Variants in USH2A observed in about 807,000 individuals in gnomAD.
USH2A encodes the protein Usher syndrome 2A (autosomal recessive, mild).
Under a neutral mutation model 538.9 loss-of-function variants are expected in USH2A, and 443 were observed. That is an observed-to-expected ratio of 0.82 (90% confidence interval 0.76 to 0.89). The LOEUF (loss-of-function observed/expected upper bound fraction) is 0.89. USH2A is among the 40% of genes least tolerant of loss of function. The pLI is 0.00. For missense variants in USH2A, 6,633 were observed against 6,324.8 expected, an observed-to-expected ratio of 1.05 and a Z score of -1.65; for synonymous variants, 2,413 against 2,273.5, an observed-to-expected ratio of 1.06 and a Z score of -1.75.
chr1:216,014,287 T>TA (rs1443443553), intron 32 of USH2A, among the ~76,000 whole-genome samples: 3 of 151,998 alleles, frequency 2.0e-5, no homozygotes, highest in Admixed American at 1.3e-4. Context: ...AGAGAGTTTT[T>TA]AAAAACAGTT....
At chr1:216,077,946 G>T in intron 27 of USH2A, 143 bp downstream of exon 27, 1 of 1,009,682 alleles carries the variant, frequency 9.9e-7, no homozygotes, top group Non-Finnish European at 1.5e-6. Flanking sequence ...TAGTTTTTAA[G>T]GTTTAAATTT....
intron 14 of USH2A, among the ~76,000 whole-genome samples, chr1:216,228,512 G>A (rs2035607753): frequency 6.6e-6 from 1 of 152,102 alleles, no homozygotes. Flanking sequence ...TCTTTCCCCT[G>A]CTGTTCTCAT....
chr1:215,987,225 G>C (rs934315560), intron 35 of USH2A, among the ~76,000 whole-genome samples: 2 of 152,112 alleles, frequency 1.3e-5, no homozygotes, highest in Non-Finnish European at 2.9e-5. Flanking sequence ...AAAGGAATAT[G>C]GCTCATGAGA....
intron 61 of USH2A, among the ~76,000 whole-genome samples, chr1:215,700,518 T>C (rs1490872617): frequency 6.6e-6 from 1 of 152,226 alleles, no homozygotes; most frequent in Non-Finnish European, 1.5e-5. Flanking sequence ...ATTCAACTTC[T>C]TCCTGGTTTA....
At chr1:215,795,278 C>T (rs1662093940) in intron 50 of USH2A, among the ~76,000 whole-genome samples, 1 of 152,212 alleles carries the variant, frequency 6.6e-6, no homozygotes. Flanking sequence ...CAAAATCATA[C>T]TCACTGTTTG....
intron 58 of USH2A, among the ~76,000 whole-genome samples, chr1:215,757,709 G>T (rs937693503): frequency 6.6e-6 from 1 of 152,108 alleles, no homozygotes; most frequent in African/African-American, 2.4e-5. Flanking sequence ...TTTACCTGAG[G>T]ATGGTGCTTA....
chr1:215,693,811 T>A (rs1658701268), intron 61 of USH2A, among the ~76,000 whole-genome samples: 1 of 152,174 alleles, frequency 6.6e-6, no homozygotes, highest in East Asian at 1.9e-4. Flanking sequence ...ACTGTTAGTA[T>A]GAACATAGTT....
At chr1:215,913,226 C>G (rs1665860127) in intron 38 of USH2A, among the ~76,000 whole-genome samples, 1 of 152,094 alleles carries the variant, frequency 6.6e-6, no homozygotes, top group Non-Finnish European at 1.5e-5. Flanking sequence ...CAGAGTCACA[C>G]CATTATGGGC....
intron 67 of USH2A, among the ~76,000 whole-genome samples, chr1:215,642,366 C>T (rs901601487): frequency 2.6e-5 from 4 of 152,130 alleles, no homozygotes; most frequent in Admixed American, 6.5e-5. Context: ...GACCAAGGAG[C>T]TGAACCTAGG....
At chr1:215,986,942 G>A (rs905426840) in intron 35 of USH2A, among the ~76,000 whole-genome samples, 1 of 152,182 alleles carries the variant, frequency 6.6e-6, no homozygotes, top group Non-Finnish European at 1.5e-5. Context: ...GTCTAATAAA[G>A]AAACTATTTT....
rs1383618728 is a variant in USH2A at position 216,321,931 on chromosome 1, C to T, written c.1596G>A (p.Gln532=). The T allele has an allele frequency of 3.7e-6, 6 of 1,613,874 alleles. No homozygotes were observed. In the South Asian group the frequency reaches 5.5e-5, roughly 15 times the overall value. The change falls in exon 9 of 72, where the codon CAG becomes CAA. Residue 532 remains glutamine (Q), a synonymous_variant. Coordinates refer to ENST00000307340, the MANE Select transcript of USH2A (RefSeq NM_206933.4). ...GHADNCDTTS[Q]PYRCLCSQES... is the part of the protein sequence containing the mutation. ...CCTGGGAGCAGAGGCATCTATATGGCTGGCTTGTTGTGTCGCAGTTATCGG... is the reference window on the plus strand; with the variant it reads ...CCTGGGAGCAGAGGCATCTATATGGTTGGCTTGTTGTGTCGCAGTTATCGG...
At chr1:216,293,237 C>G (rs1342180541) in intron 9 of USH2A, among the ~76,000 whole-genome samples, 2 of 152,032 alleles carry the variant, frequency 1.3e-5, no homozygotes, top group East Asian at 3.9e-4. Flanking sequence ...TGTTAGCCAG[C>G]ATGGTCTCGA....
At chr1:215,647,820 C>G in intron 66 of USH2A, 90 bp from the exon 67 acceptor site, 9 of 1,483,780 alleles carry the variant, frequency 6.1e-6, no homozygotes, top group South Asian at 2.4e-5. Context: ...TGTGAGGAGA[C>G]ATTTTGTTTT....
At chr1:215,702,253 T>A (rs928829419) in intron 61 of USH2A, among the ~76,000 whole-genome samples, 5 of 151,962 alleles carry the variant, frequency 3.3e-5, no homozygotes, top group African/African-American at 1.2e-4. Flanking sequence ...CCCTTAACAT[T>A]TTTTTCATCA....
rs1349756745 is a variant in USH2A at position 215,982,526 on chromosome 1, TTTG to T, written c.6805+10491_6805+10493del. Among the ~76,000 whole-genome samples, 4 of 152,328 alleles carry T rather than the reference TTTG, an allele frequency of 2.6e-5. No homozygotes were observed. In the East Asian group the frequency reaches 7.7e-4, roughly 29 times the overall value. ...TGTCATTAGCCAATAGTTTCTTATATTTGTATGCTATCTTTTCATTTAAAATTC... is the reference window on the plus strand; with the variant it reads ...TGTCATTAGCCAATAGTTTCTTATATTATGCTATCTTTTCATTTAAAATTC... On this transcript the variant is annotated intron_variant, in intron 35 of 71. Transcript: ENST00000307340.
intron 38 of USH2A, among the ~76,000 whole-genome samples, chr1:215,921,788 G>C (rs759651956): frequency 2.0e-5 from 3 of 151,992 alleles, no homozygotes; most frequent in Non-Finnish European, 4.4e-5. Context: ...ACTTCCTTAT[G>C]TGTAAATAGG....
chr1:215,836,445 ATG>A (rs1169905149), intron 47 of USH2A, among the ~76,000 whole-genome samples: 1 of 85,202 alleles, frequency 1.2e-5, no homozygotes, highest in Non-Finnish European at 2.3e-5. Context: ...TTTGCCTTCT[ATG>A]TGTGTGTGTA....
rs74141469 is a variant in USH2A, at chr1:215,954,916, A to G, written c.7120+10401T>C. ...CTTTCATTTCCTCAAATCCACCACA[A>G]TTTTACCTTCCTCACATCCTTTACA... On this transcript the variant is annotated intron_variant, in intron 37 of 71. Transcript: ENST00000307340. Among the ~76,000 whole-genome samples, 1,243 of 151,936 alleles carry G rather than the reference A, an allele frequency of 8.2e-3. 18 individuals carry two copies. The highest frequency in any genetic ancestry group is 0.029 in the African/African-American group (1,185 of 41,418).
At chr1:216,244,208 G>A (rs1200161255) in intron 13 of USH2A, among the ~76,000 whole-genome samples, 1 of 152,136 alleles carries the variant, frequency 6.6e-6, no homozygotes, top group African/African-American at 2.4e-5. Context: ...ATGAACCAAA[G>A]CATCAGGTAG....
Sources: gnomAD v4.1 joint callset for allele counts (sites outside exome capture counted in the v4.1 genomes callset) on GRCh38, gnomAD v4.1.1 for gene constraint, MANE v1.5 for transcripts, NCBI Gene and HGNC (gene_info 2026-07-23, HGNC 2026-07-21) for gene names.